The following SIL1 variants were observed in gnomAD, a reference collection of about 807,000 sequenced individuals.
SIL1 encodes the protein nucleotide exchange factor SIL1.
Under a neutral mutation model 49.1 loss-of-function variants are expected in SIL1, and 40 were observed. The ratio of observed to expected loss-of-function variants is 0.81; its 90% CI spans 0.63 to 1.06. SIL1 has a LOEUF of 1.06. SIL1 is among the 50% of genes least tolerant of loss of function. The pLI, the probability that SIL1 is intolerant of heterozygous loss-of-function variation, is 0.00. For synonymous variants in SIL1, 253 were observed against 250.8 expected (o/e 1.01, Z -0.08); for missense variants, 500 against 572.6 (o/e 0.87, Z 1.29).
chr5:139,048,682 T>C (rs1445729657), intron 4 of SIL1, among the ~76,000 whole-genome samples: 1 of 152,184 alleles, frequency 6.6e-6, no homozygotes, highest in African/African-American at 2.4e-5. Flanking sequence ...TAACTCAATA[T>C]TCATAAGCTA....
chr5:139,079,316 G>C (rs1253302427), intron 3 of SIL1, among the ~76,000 whole-genome samples: 3 of 152,208 alleles, frequency 2.0e-5, no homozygotes, highest in African/African-American at 7.2e-5. Context: ...GAGCCAAGGA[G>C]TAAACCAGAG....
In SIL1 at chr5:139,191,505, C is replaced by G. The variant is rs558350117; in HGVS notation, c.-11+6764G>C. 3.3e-5 allele frequency among the ~76,000 whole-genome samples: 5 copies of G among 151,976 alleles called. No homozygotes were observed. In the East Asian group the frequency reaches 9.7e-4, roughly 29 times the overall value. On this transcript the variant is annotated intron_variant, in intron 1 of 9. Transcript: ENST00000394817. ...TTAAAAGCCCACTGGTATAGCTGGG[C>G]ATGGTGGCTCACACTTGTAATCCCA...
intron 3 of SIL1, among the ~76,000 whole-genome samples, chr5:139,100,087 A>T (rs1378354410): frequency 6.6e-6 from 1 of 152,300 alleles, no homozygotes; most frequent in African/African-American, 2.4e-5. Flanking sequence ...GTAACATGAA[A>T]TTTTTTTAAA....
At chr5:139,160,128 A>G (rs938518494) in intron 1 of SIL1, among the ~76,000 whole-genome samples, 1 of 136,652 alleles carries the variant, frequency 7.3e-6, no homozygotes, top group Non-Finnish European at 1.5e-5. Flanking sequence ...ACCCATCCCA[A>G]TCACATTTCC....
At chr5:139,143,144 G>T (rs555650330) in intron 1 of SIL1, among the ~76,000 whole-genome samples, 3 of 151,428 alleles carry the variant, frequency 2.0e-5, no homozygotes, top group Non-Finnish European at 4.4e-5. Flanking sequence ...AGAATAAAAG[G>T]CATCCATATT....
chr5:138,954,296 C>T (rs1766852146), intron 7 of SIL1, among the ~76,000 whole-genome samples: 1 of 152,272 alleles, frequency 6.6e-6, no homozygotes, highest in East Asian at 1.9e-4. Flanking sequence ...CATGTTTTCA[C>T]CCACAGCCAA....
At chr5:138,954,729 G>A (rs936456281) in intron 7 of SIL1, among the ~76,000 whole-genome samples, 1 of 152,234 alleles carries the variant, frequency 6.6e-6, no homozygotes, top group African/African-American at 2.4e-5. Context: ...CTGGGGCTGG[G>A]GGAGGCAACT....
At chr5:139,003,810 T>C (rs1191738162) in intron 7 of SIL1, among the ~76,000 whole-genome samples, 1 of 152,218 alleles carries the variant, frequency 6.6e-6, no homozygotes, top group Non-Finnish European at 1.5e-5. Flanking sequence ...TGTAGTTCCA[T>C]TCTTCTCTTT....
intron 1 of SIL1, among the ~76,000 whole-genome samples, chr5:139,132,679 C>T (rs1299990222): frequency 1.3e-5 from 2 of 152,182 alleles, no homozygotes; most frequent in Non-Finnish European, 2.9e-5. Flanking sequence ...CAAGTACAAA[C>T]TACAGCATGC....
chr5:139,040,471 A>G (rs1769015237), intron 5 of SIL1, among the ~76,000 whole-genome samples: 1 of 142,438 alleles, frequency 7.0e-6, no homozygotes. Flanking sequence ...GCAAGGGGAG[A>G]GGAGTATTTT....
intron 1 of SIL1, among the ~76,000 whole-genome samples, chr5:139,138,467 A>G (rs1399940884): frequency 6.6e-6 from 1 of 152,198 alleles, no homozygotes; most frequent in African/African-American, 2.4e-5. Context: ...AGGTACCGGG[A>G]GTGATCAGCC....
At chr5:139,126,605 T>C (rs111397349) in intron 2 of SIL1, among the ~76,000 whole-genome samples, 6,106 of 152,194 alleles carry the variant, frequency 0.04, 368 homozygotes, top group African/African-American at 0.13. Context: ...CCATTCTTAC[T>C]GTCCTTGAAG....
intron 4 of SIL1, among the ~76,000 whole-genome samples, chr5:139,046,674 T>C (rs1191179521): frequency 6.6e-6 from 1 of 152,214 alleles, no homozygotes; most frequent in Non-Finnish European, 1.5e-5. Context: ...TGAATTGAAA[T>C]AAGGACTAGT....
chr5:138,953,972 C>T (rs1766845071), intron 7 of SIL1, among the ~76,000 whole-genome samples: 1 of 152,236 alleles, frequency 6.6e-6, no homozygotes, highest in Non-Finnish European at 1.5e-5. Context: ...AAGCTCATCA[C>T]AGCACCCCAT....
intron 6 of SIL1, among the ~76,000 whole-genome samples, chr5:139,023,248 G>A (rs1390494252): frequency 1.3e-5 from 2 of 152,144 alleles, no homozygotes; most frequent in African/African-American, 4.8e-5. Context: ...TGACATACAG[G>A]AGAAACCATG....
chr5:139,017,748 C>G (rs114836356), intron 7 of SIL1, among the ~76,000 whole-genome samples: 1,936 of 152,244 alleles, frequency 0.013, 36 homozygotes, highest in African/African-American at 0.043. Context: ...TTACAGAAGG[C>G]TGCCTGGCCT....
intron 7 of SIL1, among the ~76,000 whole-genome samples, chr5:139,019,785 A>G (rs1768477442): frequency 6.6e-6 from 1 of 152,226 alleles, no homozygotes; most frequent in Admixed American, 6.5e-5. Context: ...TAATTTGTTC[A>G]TATTAAAGGT....
intron 7 of SIL1, among the ~76,000 whole-genome samples, chr5:139,003,466 C>T (rs1275748677): frequency 6.6e-6 from 1 of 152,200 alleles, no homozygotes; most frequent in Non-Finnish European, 1.5e-5. Context: ...CCACCTTTCA[C>T]ACCAAATTTC....
At chr5:139,128,119 T>G in intron 1 of SIL1, 1 of 459,268 alleles carries the variant, frequency 2.2e-6, no homozygotes, top group South Asian at 1.7e-5. Context: ...CCCTTCCTTC[T>G]TCATTAGAAC....
Sources: allele counts gnomAD v4.1 joint callset (sites outside exome capture counted in the v4.1 genomes callset), GRCh38; gene constraint gnomAD v4.1.1; transcripts MANE v1.5; gene names NCBI Gene and HGNC (gene_info 2026-07-23, HGNC 2026-07-21).